PPM1E: variants seen among roughly 807,000 people sequenced by gnomAD.
PPM1E encodes the protein protein phosphatase 1E.
Under a neutral mutation model 65.9 loss-of-function variants are expected in PPM1E, and 20 were observed. The observed-to-expected ratio is 0.30, with a 90% CI of 0.21 to 0.44. The LOEUF (loss-of-function observed/expected upper bound fraction) is 0.44, where lower values mean the gene tolerates loss of function less well. Ranked by LOEUF, PPM1E falls within the 20% of genes least tolerant of loss-of-function variation. PPM1E has a pLI of 1.00. For synonymous variants in PPM1E, 352 were observed against 374.9 expected, an observed-to-expected ratio of 0.94 and a Z score of 0.70; for missense variants, 713 against 953.1, an observed-to-expected ratio of 0.75 and a Z score of 3.32.
chr17:58,794,715 C>T (rs2144266528), intron 1 of PPM1E, among the ~76,000 whole-genome samples: 1 of 152,176 alleles, frequency 6.6e-6, no homozygotes, highest in East Asian at 1.9e-4. Context: ...CCTTGAGCTC[C>T]ATCCATGTTG....
intron 1 of PPM1E, among the ~76,000 whole-genome samples, chr17:58,791,289 A>G (rs1489925315): frequency 6.6e-6 from 1 of 152,218 alleles, no homozygotes; most frequent in Non-Finnish European, 1.5e-5. Flanking sequence ...TTATCAGATT[A>G]TCAGATTATG....
rs1483897062 is a variant in PPM1E, at chr17:58,915,064, CAGTGCAGACCCCA to C, written c.465-40582_465-40570del. 8.5e-5 allele frequency among the ~76,000 whole-genome samples: 13 copies of C among 152,154 alleles called. No individual in the cohort carries two copies. The East Asian group carries it at 2.3e-3, about 27-fold the overall frequency. On this transcript the variant is annotated intron_variant, in intron 1 of 6. Coordinates refer to ENST00000308249, the MANE Select transcript of PPM1E (RefSeq NM_014906.5). Reference sequence around the variant, plus strand: ...TGTAATTGTTACCGGAAAGGGGTCCCAGTGCAGACCCCAAGAGAGGGTTCTTGGATTTTGTGCA... The same window carrying C: ...TGTAATTGTTACCGGAAAGGGGTCCCAGAGAGGGTTCTTGGATTTTGTGCA...
chr17:58,891,832 C>CTTTT (rs5821250), intron 1 of PPM1E, among the ~76,000 whole-genome samples: 60 of 85,448 alleles, frequency 7.0e-4, no homozygotes, highest in African/African-American at 1.1e-3. Flanking sequence ...TTTTCTTTTT[C>CTTTT]TTTTTTTTTT....
chr17:58,798,230 G>GTTTTTTTTTTT (rs980535079), intron 1 of PPM1E, among the ~76,000 whole-genome samples: 1 of 130,042 alleles, frequency 7.7e-6, no homozygotes. Context: ...TTTTTTGTTT[G>GTTTTTTTTTTT]TTTTTTTTTT....
chr17:58,837,202 A>G, intron 1 of PPM1E, among the ~76,000 whole-genome samples: 1 of 144,448 alleles, frequency 6.9e-6, no homozygotes, highest in East Asian at 2.2e-4. Flanking sequence ...GTGGGCCATG[A>G]TGGTCCCACT....
At chr17:58,881,455 A>G (rs770735050) in intron 1 of PPM1E, among the ~76,000 whole-genome samples, 6 of 152,088 alleles carry the variant, frequency 3.9e-5, no homozygotes, top group Non-Finnish European at 5.9e-5. Context: ...CAAGGTCAGG[A>G]GTTCAAGACC....
intron 1 of PPM1E, among the ~76,000 whole-genome samples, chr17:58,869,781 A>T (rs2051049385): frequency 6.6e-6 from 1 of 152,226 alleles, no homozygotes; most frequent in South Asian, 2.1e-4. Flanking sequence ...CTAAGGGGAT[A>T]GCATCTAGTA....
chr17:58,979,429 G>A (rs964573822), intron 6 of PPM1E, among the ~76,000 whole-genome samples: 2 of 152,162 alleles, frequency 1.3e-5, no homozygotes, highest in East Asian at 3.8e-4. Context: ...ATAAAATCTC[G>A]TGTAACTCAA....
chr17:58,948,329 A>G (rs895376677), intron 1 of PPM1E, among the ~76,000 whole-genome samples: 2 of 152,126 alleles, frequency 1.3e-5, no homozygotes, highest in Admixed American at 6.5e-5. Flanking sequence ...CATGTGCTAA[A>G]TGCACTCACC....
chr17:58,904,917 G>A (rs1442210843), intron 1 of PPM1E, among the ~76,000 whole-genome samples: 2 of 151,944 alleles, frequency 1.3e-5, no homozygotes, highest in African/African-American at 4.8e-5. Context: ...CAGCTACTTG[G>A]GGAGGCTGAG....
chr17:58,869,581 C>T (rs1465063560), intron 1 of PPM1E, among the ~76,000 whole-genome samples: 1 of 152,170 alleles, frequency 6.6e-6, no homozygotes, highest in Non-Finnish European at 1.5e-5. Context: ...GAGGCCTTCA[C>T]CAGAGGCAAA....
At position 58,982,088 on chromosome 17, in the gene PPM1E, A is replaced by G. The variant is rs1418473658; in HGVS notation, c.*1057A>G. On this transcript the variant is annotated 3_prime_UTR_variant, in exon 7 of 7. Coordinates refer to ENST00000308249, the MANE Select transcript of PPM1E (RefSeq NM_014906.5). Reference sequence around the variant, plus strand: ...AATTGGAATGAAGGAGGCTGAAAGTATTGTCTAAAGTGAGCCCAGAGGCCA... The same window carrying G: ...AATTGGAATGAAGGAGGCTGAAAGTGTTGTCTAAAGTGAGCCCAGAGGCCA... The G allele has an allele frequency of 6.6e-6, 1 of 152,620 alleles. No individual in the cohort carries two copies. The highest frequency in any genetic ancestry group is 1.5e-5 in the Non-Finnish European group (1 of 68,026). 9.5% of individuals were successfully genotyped at this position (152,620 alleles called of 1,614,324 possible).
intron 1 of PPM1E, among the ~76,000 whole-genome samples, chr17:58,921,037 A>G (rs186828650): frequency 1.1e-3 from 166 of 152,342 alleles, no homozygotes; most frequent in Middle Eastern, 3.4e-3. Context: ...TATACTGCTG[A>G]TAGTCCAAAT....
chr17:58,818,443 C>A (rs892882458), intron 1 of PPM1E, among the ~76,000 whole-genome samples: 2 of 152,150 alleles, frequency 1.3e-5, no homozygotes, highest in African/African-American at 4.8e-5. Context: ...TTATCCCTAT[C>A]TTTTGGAGTT....
chr17:58,864,181 A>C (rs1294687048), intron 1 of PPM1E, among the ~76,000 whole-genome samples: 4 of 151,464 alleles, frequency 2.6e-5, no homozygotes, highest in Non-Finnish European at 5.9e-5. Context: ...TTTCCATACC[A>C]CTCCAAAGTC....
At chr17:58,859,449 A>G (rs1435056090) in intron 1 of PPM1E, among the ~76,000 whole-genome samples, 1 of 152,252 alleles carries the variant, frequency 6.6e-6, no homozygotes, top group African/African-American at 2.4e-5. Flanking sequence ...ATCATAGGTG[A>G]ACTCAAATGG....
chr17:58,959,590 C>G (rs1375850115), intron 2 of PPM1E, among the ~76,000 whole-genome samples: 1 of 135,472 alleles, frequency 7.4e-6, no homozygotes, highest in Non-Finnish European at 1.6e-5. Context: ...CAGAGTGAGA[C>G]TCTGTCTCAA....
chr17:58,776,200 C>G (rs1177313788), intron 1 of PPM1E, among the ~76,000 whole-genome samples: 1 of 151,580 alleles, frequency 6.6e-6, no homozygotes, highest in African/African-American at 2.4e-5. Context: ...GCTGGTGCGC[C>G]TCTGTAGTCC....
At chr17:58,873,106 A>G (rs1164713610) in intron 1 of PPM1E, among the ~76,000 whole-genome samples, 2 of 152,182 alleles carry the variant, frequency 1.3e-5, no homozygotes, top group African/African-American at 4.8e-5. Context: ...TCACACCATC[A>G]TAGGCCTAAG....
Sources: gnomAD v4.1 joint callset for allele counts (sites outside exome capture counted in the v4.1 genomes callset) on GRCh38, gnomAD v4.1.1 for gene constraint, MANE v1.5 for transcripts, NCBI Gene and HGNC (gene_info 2026-07-23, HGNC 2026-07-21) for gene names.